Variants in VPS13B observed in about 807,000 individuals in gnomAD.
VPS13B encodes vacuolar protein sorting 13 homolog B.
Under a neutral mutation model 426.4 loss-of-function variants are expected in VPS13B, and 285 were observed. That is an observed-to-expected ratio of 0.67 (90% CI 0.61 to 0.74). The LOEUF (loss-of-function observed/expected upper bound fraction) is 0.74. Ranked by LOEUF, VPS13B falls within the 30% of genes least tolerant of loss-of-function variation. The pLI is 0.00. For synonymous variants in VPS13B, 1,676 were observed against 1,676.4 expected, an observed-to-expected ratio of 1.00 and a Z score of 0.01; for missense variants, 4,537 against 4,782.6, an observed-to-expected ratio of 0.95 and a Z score of 1.51.
At position 99,614,521 on chromosome 8, in the gene VPS13B, G is replaced by A. The variant is rs906729475; in HGVS notation, c.5221-27290G>A. Among the ~76,000 whole-genome samples the A allele has an allele frequency of 4.6e-5, 7 of 151,990 alleles. No individual in the cohort carries two copies. The East Asian group carries it at 5.9e-4, about 13-fold the overall frequency. Reference sequence around the variant, plus strand: ...TCGAATGCCCAACCTCAAGTGATCCGCCCACCTCGGCCTCCCAAAGTGCTG... The same window carrying A: ...TCGAATGCCCAACCTCAAGTGATCCACCCACCTCGGCCTCCCAAAGTGCTG... On this transcript the variant is annotated intron_variant, in intron 33 of 61. Coordinates refer to ENST00000357162, the MANE Select transcript of VPS13B (RefSeq NM_152564.5).
chr8:99,477,524 G>C (rs1030664385), intron 24 of VPS13B, among the ~76,000 whole-genome samples: 2 of 152,176 alleles, frequency 1.3e-5, no homozygotes, highest in African/African-American at 4.8e-5. Context: ...GCTTTTGACT[G>C]TAGCCAGTGT....
chr8:99,122,168 A>AT (rs934832023), intron 8 of VPS13B, among the ~76,000 whole-genome samples: 32 of 150,488 alleles, frequency 2.1e-4, no homozygotes, highest in African/African-American at 5.6e-4. Flanking sequence ...CTCATAACAA[A>AT]TTTTTTTTTA....
At chr8:99,164,197 C>G (rs1451200944) in intron 15 of VPS13B, among the ~76,000 whole-genome samples, 7 of 152,034 alleles carry the variant, frequency 4.6e-5, no homozygotes, top group Non-Finnish European at 7.4e-5. Flanking sequence ...GCTTGATGGT[C>G]TCGATTCTAG....
At chr8:99,239,922 G>C (rs1816832930) in intron 17 of VPS13B, among the ~76,000 whole-genome samples, 1 of 152,120 alleles carries the variant, frequency 6.6e-6, no homozygotes, top group African/African-American at 2.4e-5. Context: ...TGGTGGCTCA[G>C]TTAAAATAAT....
chr8:99,295,277 A>G (rs1253775050), intron 19 of VPS13B, among the ~76,000 whole-genome samples: 2 of 152,192 alleles, frequency 1.3e-5, no homozygotes, highest in Non-Finnish European at 2.9e-5. Context: ...TGATACATCT[A>G]TAAACAGCCT....
chr8:99,773,771 C>A (rs1459306232), intron 40 of VPS13B, among the ~76,000 whole-genome samples: 1 of 152,166 alleles, frequency 6.6e-6, no homozygotes, highest in Non-Finnish European at 1.5e-5. Flanking sequence ...ATTCTGTGAA[C>A]ACTGTCATTG....
At chr8:99,824,020 A>G in intron 51 of VPS13B, 42 bp downstream of exon 51, 5 of 1,600,414 alleles carry the variant, frequency 3.1e-6, no homozygotes, top group Non-Finnish European at 4.3e-6. Context: ...GTTTTGATAA[A>G]GAAACAATAA....
chr8:99,699,822 A>C lies in VPS13B; in HGVS notation c.6344A>C (p.Gln2115Pro). The change falls in exon 36 of 62, where the codon CAG becomes CCG. Residue 2115 changes from glutamine to proline, a missense_variant. This residue lies in a region of VPS13B where 4,311 missense variants were observed against 4,474.3 expected (regional missense o/e 0.96). Coordinates refer to ENST00000357162, the MANE Select transcript of VPS13B (RefSeq NM_152564.5). ...CFQKISVQTTQIVISMETVPH... is the reference protein window; with the variant it reads ...CFQKISVQTTPIVISMETVPH... ...CAAAAAATTTCTGTTCAAACTACTC[A>C]GATTGTGATCTCCATGGAAACTGTA... The C allele has an allele frequency of 6.2e-7, 1 of 1,613,888 alleles. No homozygotes were observed. Among genetic ancestry groups the C allele is most frequent in the Non-Finnish European group, 8.5e-7 (1 of 1,179,902 alleles).
chr8:99,425,468 A>G (rs1816642813), intron 21 of VPS13B, among the ~76,000 whole-genome samples: 1 of 152,238 alleles, frequency 6.6e-6, no homozygotes, highest in African/African-American at 2.4e-5. Flanking sequence ...CAAAAACCAC[A>G]TGATTATCTC....
rs752625401 is a variant in VPS13B at position 99,853,493 on chromosome 8, G to T, written c.10104G>T (p.Gln3368His). ...KIVTFKMFITQLSLAVFDDLT... is the reference protein window; with the variant it reads ...KIVTFKMFITHLSLAVFDDLT... ...TTACATTTAAAATGTTCATCACTCAGTTAAGCCTGGCAGTGTTTGATGACC... is the reference window on the plus strand; with the variant it reads ...TTACATTTAAAATGTTCATCACTCATTTAAGCCTGGCAGTGTTTGATGACC... Residue 3368 changes from glutamine (Q) to histidine (H), a missense_variant, in exon 56 of 62, where the codon CAG (glutamine) becomes CAT (histidine). By Grantham distance (24) the Gln-to-His change is conservative. Transcript: ENST00000357162. 5.6e-6 allele frequency: 9 copies of T among 1,614,210 alleles called. No individual in the cohort carries two copies. The East Asian group carries it at 1.3e-4, about 24-fold the overall frequency.
At chr8:99,763,473 C>A (rs1003163961) in intron 39 of VPS13B, among the ~76,000 whole-genome samples, 1 of 152,094 alleles carries the variant, frequency 6.6e-6, no homozygotes, top group Non-Finnish European at 1.5e-5. Flanking sequence ...GAAGATGTCA[C>A]ATACAGAAAT....
rs976588197 is a variant in VPS13B at position 99,050,156 on chromosome 8, G to A, written c.291+11590G>A. 4.6e-5 allele frequency among the ~76,000 whole-genome samples: 7 copies of A among 151,840 alleles called. No individual in the cohort carries two copies. The South Asian group carries it at 1.2e-3, about 27-fold the overall frequency. ...CCATTAACTCGTAATTTAACATTAG[G>A]TATATCTCCTAATGCTATCGCTCCC... On this transcript the variant is annotated intron_variant, in intron 3 of 61. Transcript: ENST00000357162.
chr8:99,092,897 G>T (rs1364113541), intron 3 of VPS13B, among the ~76,000 whole-genome samples: 1 of 148,830 alleles, frequency 6.7e-6, no homozygotes, highest in Non-Finnish European at 1.5e-5. Context: ...TTTTTCTTTT[G>T]AATAATAAAT....
At position 99,501,067 on chromosome 8, in the gene VPS13B, TG is replaced by T. The variant is rs542197876; in HGVS notation, c.3871-619del. On this transcript the variant is annotated intron_variant, in intron 25 of 61. Coordinates refer to ENST00000357162, the MANE Select transcript of VPS13B (RefSeq NM_152564.5). The stretch of plus-strand genomic sequence containing the variant: ...ATATAAGACACTTAAAAAAATCTAT[TG>T]TCAAATCTACTAATTTTTAATGTCT... 6.8e-3 allele frequency among the ~76,000 whole-genome samples: 1,033 copies of T among 152,322 alleles called. 10 individuals carry two copies. The highest frequency in any genetic ancestry group is 0.024 in the African/African-American group (1,000 of 41,572).
chr8:99,268,821 T>G (rs1214190925), intron 17 of VPS13B, among the ~76,000 whole-genome samples: 1 of 152,036 alleles, frequency 6.6e-6, no homozygotes, highest in African/African-American at 2.4e-5. Context: ...TAGAAGGATA[T>G]GGTTTGGCTG....
intron 29 of VPS13B, among the ~76,000 whole-genome samples, chr8:99,515,454 C>CT (rs965447996): frequency 9.2e-5 from 14 of 152,016 alleles, no homozygotes; most frequent in African/African-American, 3.4e-4. Context: ...GCTTTTTCTT[C>CT]TTTTTTTGGT....
intron 19 of VPS13B, among the ~76,000 whole-genome samples, chr8:99,349,320 G>C (rs551994351): frequency 1.1e-5 from 1 of 88,348 alleles, no homozygotes; most frequent in South Asian, 4.9e-4. Flanking sequence ...GCGACAGAGC[G>C]AGACTCCGTC....
At chr8:99,745,942 T>G (rs1339252728) in intron 39 of VPS13B, among the ~76,000 whole-genome samples, 2 of 152,096 alleles carry the variant, frequency 1.3e-5, no homozygotes, top group African/African-American at 4.8e-5. Flanking sequence ...CACAAATCTG[T>G]GTTTAGATTT....
intron 44 of VPS13B, among the ~76,000 whole-genome samples, chr8:99,812,353 A>G (rs1371047283): frequency 1.3e-5 from 2 of 152,132 alleles, no homozygotes; most frequent in Admixed American, 6.5e-5. Flanking sequence ...GCTTCAGAAG[A>G]GCTTTGTGGA....
Sources: allele counts gnomAD v4.1 joint callset (sites outside exome capture counted in the v4.1 genomes callset), GRCh38; gene constraint gnomAD v4.1.1; regional missense constraint gnomAD v4.1.1; transcripts MANE v1.5; gene names NCBI Gene and HGNC (gene_info 2026-07-23, HGNC 2026-07-21).